Variants in TASOR2 observed in about 807,000 individuals in gnomAD.
The protein encoded by TASOR2 is protein TASOR 2.
TASOR2 carries 84 observed loss-of-function variants against 199.5 expected under a neutral mutation model. The observed-to-expected ratio is 0.42, with a 90% CI of 0.35 to 0.50. The LOEUF (loss-of-function observed/expected upper bound fraction) is 0.50. Among genes scored for constraint, TASOR2 ranks in the 20% least tolerant of loss-of-function variants. The probability of loss-of-function intolerance (pLI) is 0.02; values close to 1 mark genes in which losing one functional copy is unlikely to be tolerated. For missense variants in TASOR2, 2,796 were observed against 2,835.9 expected, an observed-to-expected ratio of 0.99 and a Z score of 0.32; for synonymous variants, 1,103 against 1,046.6, an observed-to-expected ratio of 1.05 and a Z score of -1.04.
Position 5,757,211 on chromosome 10 carries a change from T to G in TASOR2, c.6733-309T>G, listed in dbSNP as rs139161136. On this transcript the variant is annotated intron_variant, in intron 16 of 20. Transcript: ENST00000328090. ...GAGCTGGAGACGAATGACGGCGAAG[T>G]GAGGTGACCTCACTTTTCAGTGCCC... Among the ~76,000 whole-genome samples, 283 of 152,316 alleles carry G rather than the reference T, an allele frequency of 1.9e-3. 1 individual carries two copies. The highest frequency in any genetic ancestry group is 3.4e-3 in the Middle Eastern group (1 of 294).
chr10:5,727,021 A>G (rs1322511450), intron 9 of TASOR2, 40 bp from the exon 11 acceptor site: 2 of 1,613,798 alleles, frequency 1.2e-6, no homozygotes, highest in East Asian at 2.2e-5. Flanking sequence ...TATAAGATCA[A>G]CAACCTAACT....
intron 11 of TASOR2, among the ~76,000 whole-genome samples, chr10:5,732,966 TACA>T (rs1835038691): frequency 6.6e-6 from 1 of 152,224 alleles, no homozygotes; most frequent in Non-Finnish European, 1.5e-5. Flanking sequence ...CACCAGACTA[TACA>T]ACTATCTGTA....
At chr10:5,736,681 A>T (rs1835651646) in intron 12 of TASOR2, among the ~76,000 whole-genome samples, 5 of 152,226 alleles carry the variant, frequency 3.3e-5, no homozygotes, top group Admixed American at 3.3e-4. Context: ...CAACTGCTAG[A>T]TATAACCTCT....
chr10:5,696,381 G>C (rs527759590), intron 1 of TASOR2, among the ~76,000 whole-genome samples: 27 of 152,270 alleles, frequency 1.8e-4, no homozygotes, highest in African/African-American at 6.3e-4. Context: ...TTTTGAGACA[G>C]GGCCTCACTC....
chr10:5,730,766 C>T lies in TASOR2; in HGVS notation c.767C>T (p.Ser256Phe). 2 of 1,614,148 alleles carry T rather than the reference C, an allele frequency of 1.2e-6. No individual in the cohort carries two copies. The highest frequency in any genetic ancestry group is 2.2e-5 in the South Asian group (2 of 91,072). Residue 256 changes from serine to phenylalanine, a missense_variant, in exon 11 of 21, where the codon TCT becomes TTT. Around this residue, in one of 3 missense-constraint regions of TASOR2, gnomAD observed 847 missense variants for 887.4 expected, o/e 0.95. Transcript: ENST00000328090. This position sits in a 1 kb window ranked among gnomAD's most constrained non-coding sequence, Gnocchi z 4.1. ...CCAGCTGAAAAGTGCCCTTCAGAGT[C>T]TTTAACTCAGTTGAACTCTTATTTT...
chr10:5,685,067 C>G lies in TASOR2; in HGVS notation c.-396C>G. 2.5e-6 allele frequency: 1 copy of G among 398,116 alleles called. No individual in the cohort carries two copies. Among genetic ancestry groups the G allele is most frequent in the East Asian group, 3.6e-5 (1 of 28,038 alleles). The allele number at this position is 398,116 out of a possible 1,614,324, so 24.7% of individuals were successfully genotyped here. ...CGGCGACTGGTGCTTCCCACGTGCG[C>G]CGGTGTCGCGAGGGCCCGGGAGGAC... On this transcript the variant is annotated 5_prime_UTR_variant, in exon 1 of 21. Transcript: ENST00000328090. This position sits in a 1 kb window ranked among gnomAD's most constrained non-coding sequence, Gnocchi z 5.4.
rs1427451650 is a variant in TASOR2 at position 5,754,038 on chromosome 10, C to T, written c.6607-2575C>T. Among the ~76,000 whole-genome samples the T allele has an allele frequency of 1.3e-5, 2 of 152,168 alleles. No individual in the cohort carries two copies. Among genetic ancestry groups the T allele is most frequent in the African/African-American group, 4.8e-5 (2 of 41,442 alleles). On this transcript the variant is annotated intron_variant, in intron 15 of 20. Coordinates refer to ENST00000328090, the Ensembl canonical transcript of TASOR2. This position sits in a 1 kb window ranked among gnomAD's most constrained non-coding sequence, Gnocchi z 4.3. ...TCAAAAAGCAACAGAGGGTGCAGTG[C>T]TCATGCCTGTAATCCCAGCACTTTG...
rs983983799 is a variant in TASOR2 at position 5,738,590 on chromosome 10, A to G, written c.1448-1028A>G. On this transcript the variant is annotated intron_variant, in intron 12 of 20. Coordinates refer to ENST00000328090, the Ensembl canonical transcript of TASOR2. The surrounding 1 kb of genome is among the most constrained non-coding windows in gnomAD (Gnocchi z 4.7). ...GATCAGTTTAACCCTTTCCCCATGTATGTGCATGCCCTTGTCGTTCTAATT... is the reference window on the plus strand; with the variant it reads ...GATCAGTTTAACCCTTTCCCCATGTGTGTGCATGCCCTTGTCGTTCTAATT... Among the ~76,000 whole-genome samples the G allele has an allele frequency of 4.6e-5, 7 of 152,138 alleles. No homozygotes were observed. The highest frequency in any genetic ancestry group is 6.5e-5 in the Admixed American group (1 of 15,276).
Position 5,717,550 on chromosome 10 carries a change from T to C in TASOR2, c.-191-109T>C, listed in dbSNP as rs564065687. 2.9e-5 allele frequency: 12 copies of C among 419,206 alleles called. No individual in the cohort carries two copies. The South Asian group carries it at 1.4e-3, about 50-fold the overall frequency. The allele number at this position is 419,206 out of a possible 1,614,324, so 26.0% of individuals were successfully genotyped here. On this transcript the variant is annotated intron_variant, in intron 2 of 20. Coordinates refer to ENST00000328090, the Ensembl canonical transcript of TASOR2. ...CTGCTGCCTTGTTGGAATCCTCCTC[T>C]CCTGTCTCAACTATCACAGTAGCTT...
intron 8 of TASOR2, among the ~76,000 whole-genome samples, chr10:5,726,422 AAG>A (rs1337403915): frequency 3.9e-5 from 6 of 152,248 alleles, no homozygotes; most frequent in Non-Finnish European, 5.9e-5. Context: ...GATGCATAGA[AAG>A]AAGTATTCTA....
chr10:5,761,986 T>G (rs1839922746), intron 19 of TASOR2, among the ~76,000 whole-genome samples: 1 of 151,248 alleles, frequency 6.6e-6, no homozygotes, highest in South Asian at 2.1e-4. Context: ...TTTAAAAAAT[T>G]TGTGGGGCAG....
intron 2 of TASOR2, among the ~76,000 whole-genome samples, chr10:5,715,928 A>T (rs1043422504): frequency 4.6e-5 from 7 of 152,098 alleles, no homozygotes; most frequent in Non-Finnish European, 4.4e-5. Flanking sequence ...GGTGTGAGCT[A>T]CCCTGCCTGG....
exon 21 of TASOR2, chr10:5,763,167 G>A: frequency 1.2e-6 from 1 of 857,524 alleles, no homozygotes; most frequent in Non-Finnish European, 1.8e-6. Flanking sequence ...AACTTGGAAA[G>A]TTTTCATTTT....
At chr10:5,713,214 A>T (rs915596994) in intron 2 of TASOR2, among the ~76,000 whole-genome samples, 3 of 152,140 alleles carry the variant, frequency 2.0e-5, no homozygotes, top group Non-Finnish European at 4.4e-5. Context: ...GAGTGAATGG[A>T]TATTTTTCCA....
In TASOR2 at chr10:5,687,291, A is replaced by G. The variant is rs1835911197; in HGVS notation, c.-288+2116A>G. Among the ~76,000 whole-genome samples, 1 of 152,134 alleles carries G rather than the reference A, an allele frequency of 6.6e-6. No individual in the cohort carries two copies. Among genetic ancestry groups the G allele is most frequent in the African/African-American group, 2.4e-5 (1 of 41,420 alleles). On this transcript the variant is annotated intron_variant, in intron 1 of 20. Coordinates refer to ENST00000328090, the Ensembl canonical transcript of TASOR2. This position sits in a 1 kb window ranked among gnomAD's most constrained non-coding sequence, Gnocchi z 4.8. ...CCCCCCGTTACCCTGGCCATTATTA[A>G]TTTTGTGTTAATTATTCCCTTGCCT...
rs535000127 is a variant in TASOR2 at position 5,748,551 on chromosome 10, A to G, written c.5130A>G (p.Pro1710=). 6.2e-7 allele frequency: 1 copy of G among 1,613,298 alleles called. No individual in the cohort carries two copies. ...AGTTACATAAAGAAACCACAGGTCCAGGCACTGCTGGCCCTCAGTCCAACA... is the reference window on the plus strand; with the variant it reads ...AGTTACATAAAGAAACCACAGGTCCGGGCACTGCTGGCCCTCAGTCCAACA... The change falls in exon 15 of 21, where the codon CCA becomes CCG. Residue 1710 remains proline, a synonymous_variant. Coordinates refer to ENST00000328090, the Ensembl canonical transcript of TASOR2. This position sits in a 1 kb window ranked among gnomAD's most constrained non-coding sequence, Gnocchi z 5.1.
intron 1 of TASOR2, among the ~76,000 whole-genome samples, chr10:5,696,864 A>G (rs1312705072): frequency 6.6e-6 from 1 of 152,016 alleles, no homozygotes; most frequent in African/African-American, 2.4e-5. Flanking sequence ...AAGATGAAAA[A>G]GTTTATATAA....
intron 11 of TASOR2, among the ~76,000 whole-genome samples, chr10:5,734,863 A>G (rs1179565467): frequency 6.6e-6 from 1 of 150,390 alleles, no homozygotes; most frequent in Admixed American, 6.7e-5. Context: ...CTCCTTGCTA[A>G]TTTGTTTATT....
At position 5,738,512 on chromosome 10, in the gene TASOR2, AT is replaced by A. The variant is rs1473772915; in HGVS notation, c.1448-1105del. 6.6e-6 allele frequency among the ~76,000 whole-genome samples: 1 copy of A among 152,200 alleles called. No homozygotes were observed. The highest frequency in any genetic ancestry group is 2.4e-5 in the African/African-American group (1 of 41,456). On this transcript the variant is annotated intron_variant, in intron 12 of 20. Coordinates refer to ENST00000328090, the Ensembl canonical transcript of TASOR2. The surrounding 1 kb of genome is among the most constrained non-coding windows in gnomAD (Gnocchi z 4.7). ...CAATTATCTGCTTTGGGTCCTTTTC[AT>A]CCACCTGTCCCCTTTGAGTTTGCTG...
Sources: gnomAD v4.1 joint callset for allele counts (sites outside exome capture counted in the v4.1 genomes callset) on GRCh38, gnomAD v4.1.1 for gene constraint, gnomAD v4.1.1 regional missense constraint, Gnocchi (gnomAD v3.1) non-coding constraint, MANE v1.5 for transcripts, NCBI Gene and HGNC (gene_info 2026-07-23, HGNC 2026-07-21) for gene names.